Variants in KIRREL3 observed in about 807,000 individuals in gnomAD.
KIRREL3 encodes kirre like nephrin family adhesion molecule 3, also known as kin of IRRE-like protein 3.
Under a neutral mutation model 89.7 loss-of-function variants are expected in KIRREL3, and 36 were observed. The observed-to-expected ratio is 0.40, with a 90% confidence interval of 0.31 to 0.53. KIRREL3 has a LOEUF of 0.53. Among genes scored for constraint, KIRREL3 ranks in the 20% least tolerant of loss-of-function variants. KIRREL3 has a pLI of 0.49. For synonymous variants in KIRREL3, 445 were observed against 441.4 expected (o/e 1.01, Z -0.10); for missense variants, 864 against 1,056.6 (o/e 0.82, Z 2.53).
rs768434190 is a variant in KIRREL3 at position 126,708,298 on chromosome 11, C to G, written c.56-145386G>C. On this transcript the variant is annotated intron_variant, in intron 1 of 16. Coordinates refer to ENST00000525144, the MANE Select transcript of KIRREL3 (RefSeq NM_032531.4). This position sits in a 1 kb window ranked among gnomAD's most constrained non-coding sequence, Gnocchi z 5.7. ...GAGCATCTGAGAAGGCTCAGAAAGT[C>G]TGAATAAGCAATACTGGAATAACAA... 4.0e-5 allele frequency among the ~76,000 whole-genome samples: 6 copies of G among 151,386 alleles called. No individual in the cohort carries two copies. The highest frequency in any genetic ancestry group is 8.8e-5 in the Non-Finnish European group (6 of 67,946).
chr11:126,472,312 A>G (rs967338121), intron 5 of KIRREL3, among the ~76,000 whole-genome samples: 3 of 152,172 alleles, frequency 2.0e-5, no homozygotes, highest in Non-Finnish European at 4.4e-5. Flanking sequence ...TTTATTTCTC[A>G]CTGTTCTGGA....
intron 1 of KIRREL3, among the ~76,000 whole-genome samples, chr11:126,922,681 C>G (rs1387232379): frequency 1.3e-5 from 2 of 151,782 alleles, no homozygotes; most frequent in Non-Finnish European, 2.9e-5. Flanking sequence ...TCTCTCCCAC[C>G]CTAAAAACAA....
rs1037585708 is a variant in KIRREL3 at position 126,686,256 on chromosome 11, G to C, written c.56-123344C>G. 6.6e-6 allele frequency among the ~76,000 whole-genome samples: 1 copy of C among 152,170 alleles called. No homozygotes were observed. On this transcript the variant is annotated intron_variant, in intron 1 of 16. Coordinates refer to ENST00000525144, the MANE Select transcript of KIRREL3 (RefSeq NM_032531.4). This position sits in a 1 kb window ranked among gnomAD's most constrained non-coding sequence, Gnocchi z 4.7. Reference sequence around the variant, plus strand: ...GGAGGCAGGTCTCCATGGATTGTACGGCTTTCCCAAGGCCTGCTCCAGACT... The same window carrying C: ...GGAGGCAGGTCTCCATGGATTGTACCGCTTTCCCAAGGCCTGCTCCAGACT...
chr11:126,822,366 A>T (rs1943254568), intron 1 of KIRREL3, among the ~76,000 whole-genome samples: 1 of 152,184 alleles, frequency 6.6e-6, no homozygotes, highest in Admixed American at 6.5e-5. Context: ...AAGGAGAAGG[A>T]GCCTTGGTGA....
Position 126,883,344 on chromosome 11 carries a change from C to T in KIRREL3, c.55+117111G>A, listed in dbSNP as rs541841880. 1.1e-4 allele frequency among the ~76,000 whole-genome samples: 17 copies of T among 152,246 alleles called. No individual in the cohort carries two copies. Among genetic ancestry groups the T allele is most frequent in the African/African-American group, 3.1e-4 (13 of 41,546 alleles). On this transcript the variant is annotated intron_variant, in intron 1 of 16. Transcript: ENST00000525144. The surrounding 1 kb of genome is among the most constrained non-coding windows in gnomAD (Gnocchi z 4.1). ...GCACAGCAGTTAAAGAACTTTATAG[C>T]CTCTTCCCAACAAATGCTCATTGTC...
rs1038771862 is a variant in KIRREL3, at chr11:126,946,400, CA to C, written c.55+54054del. Among the ~76,000 whole-genome samples, 7 of 152,164 alleles carry C rather than the reference CA, an allele frequency of 4.6e-5. No homozygotes were observed. The highest frequency in any genetic ancestry group is 1.7e-4 in the African/African-American group (7 of 41,444). On this transcript the variant is annotated intron_variant, in intron 1 of 16. Coordinates refer to ENST00000525144, the MANE Select transcript of KIRREL3 (RefSeq NM_032531.4). This position sits in a 1 kb window ranked among gnomAD's most constrained non-coding sequence, Gnocchi z 4.1. ...ATGCATTGGATCACCTTACTCAAACCACCTTGGCCTCAGCTTCTTCATTAAT... is the reference window on the plus strand; with the variant it reads ...ATGCATTGGATCACCTTACTCAAACCCCTTGGCCTCAGCTTCTTCATTAAT...
intron 1 of KIRREL3, among the ~76,000 whole-genome samples, chr11:126,733,786 C>CTTT (rs1948712007): frequency 6.6e-6 from 1 of 152,116 alleles, no homozygotes; most frequent in Admixed American, 6.5e-5. Context: ...CGGGTTGCTG[C>CTTT]TTTTTTAGAA....
At chr11:126,730,765 G>A (rs1948585858) in intron 1 of KIRREL3, among the ~76,000 whole-genome samples, 1 of 152,056 alleles carries the variant, frequency 6.6e-6, no homozygotes, top group Admixed American at 6.5e-5. Context: ...TTGAGATTGA[G>A]TCTTGCTCTG....
Position 126,430,400 on chromosome 11 carries a change from G to A in KIRREL3, c.1696+1019C>T, listed in dbSNP as rs536425567. Reference sequence around the variant, plus strand: ...GCGGAGGTTGCAGTGAGCTGAGATCGTGTCACTGCACTTCAGCCTGGCCAA... The same window carrying A: ...GCGGAGGTTGCAGTGAGCTGAGATCATGTCACTGCACTTCAGCCTGGCCAA... On this transcript the variant is annotated intron_variant, in intron 14 of 16. Coordinates refer to ENST00000525144, the MANE Select transcript of KIRREL3 (RefSeq NM_032531.4). The surrounding 1 kb of genome is among the most constrained non-coding windows in gnomAD (Gnocchi z 6.6). Among the ~76,000 whole-genome samples the A allele has an allele frequency of 2.0e-5, 3 of 152,236 alleles. No individual in the cohort carries two copies. The highest frequency in any genetic ancestry group is 2.1e-4 in the South Asian group (1 of 4,824).
At chr11:126,539,159 TGTTGA>T (rs1007319774) in intron 2 of KIRREL3, among the ~76,000 whole-genome samples, 61 of 152,230 alleles carry the variant, frequency 4.0e-4, no homozygotes, top group African/African-American at 1.3e-3. Flanking sequence ...AATCAATACT[TGTTGA>T]GTTGTTTGTG....
intron 1 of KIRREL3, among the ~76,000 whole-genome samples, chr11:126,714,276 C>T (rs939620126): frequency 3.3e-5 from 5 of 152,194 alleles, no homozygotes; most frequent in East Asian, 1.9e-4. Context: ...CAAAGCTTAA[C>T]GTATTTACTC....
At chr11:126,621,433 A>G (rs1943570151) in intron 1 of KIRREL3, among the ~76,000 whole-genome samples, 2 of 152,236 alleles carry the variant, frequency 1.3e-5, no homozygotes, top group South Asian at 4.1e-4. Context: ...ATTTAATTTC[A>G]TGTGCTCAAA....
In KIRREL3 at chr11:126,697,935, G is replaced by A. The variant is rs1308847815; in HGVS notation, c.56-135023C>T. Among the ~76,000 whole-genome samples the A allele has an allele frequency of 2.0e-5, 3 of 152,190 alleles. No individual in the cohort carries two copies. Among genetic ancestry groups the A allele is most frequent in the Non-Finnish European group, 2.9e-5 (2 of 68,038 alleles). On this transcript the variant is annotated intron_variant, in intron 1 of 16. Transcript: ENST00000525144. The surrounding 1 kb of genome is among the most constrained non-coding windows in gnomAD (Gnocchi z 4.2). The stretch of plus-strand genomic sequence containing the variant: ...GTGATGAGAAGAGAGAGCCAGGGAG[G>A]CTCAGAGACTGAGCAAGTGCCAAGA...
chr11:126,608,174 G>A lies in KIRREL3; in HGVS notation c.56-45262C>T, dbSNP rs546664259. Among the ~76,000 whole-genome samples the A allele has an allele frequency of 1.3e-5, 2 of 152,254 alleles. No individual in the cohort carries two copies. Among genetic ancestry groups the A allele is most frequent in the South Asian group, 4.2e-4 (2 of 4,816 alleles). On this transcript the variant is annotated intron_variant, in intron 1 of 16. Coordinates refer to ENST00000525144, the MANE Select transcript of KIRREL3 (RefSeq NM_032531.4). This position sits in a 1 kb window ranked among gnomAD's most constrained non-coding sequence, Gnocchi z 4.9. ...CAGGAATGCAGCTGGAGGTGGGGGCGGGCCATGGTGGGCCAGGACAGGTGG... is the reference window on the plus strand; with the variant it reads ...CAGGAATGCAGCTGGAGGTGGGGGCAGGCCATGGTGGGCCAGGACAGGTGG...
chr11:126,638,744 G>A (rs1430019756), intron 1 of KIRREL3, among the ~76,000 whole-genome samples: 1 of 152,144 alleles, frequency 6.6e-6, no homozygotes, highest in African/African-American at 2.4e-5. Context: ...TTGAGGGCTT[G>A]AAATTCATTT....
intron 1 of KIRREL3, among the ~76,000 whole-genome samples, chr11:126,984,065 G>A (rs780626046): frequency 6.6e-6 from 1 of 152,098 alleles, no homozygotes; most frequent in Non-Finnish European, 1.5e-5. Flanking sequence ...CGCCCAGAAA[G>A]CCACATGGCA....
At chr11:126,661,989 G>C (rs542238462) in intron 1 of KIRREL3, among the ~76,000 whole-genome samples, 1 of 152,248 alleles carries the variant, frequency 6.6e-6, no homozygotes, top group East Asian at 1.9e-4. Flanking sequence ...TGGGAGTTGG[G>C]GTTTGGGTAA....
At chr11:127,002,700 T>G (rs115916977), upstream of KIRREL3, among the ~76,000 whole-genome samples, 3,964 of 152,294 alleles carry the variant, frequency 0.026, 156 homozygotes, top group African/African-American at 0.089. Flanking sequence ...AGATTCTCTA[T>G]CAAAGGTAGC....
At chr11:126,963,619 C>T (rs1454512051) in intron 1 of KIRREL3, among the ~76,000 whole-genome samples, 1 of 152,152 alleles carries the variant, frequency 6.6e-6, no homozygotes, top group Non-Finnish European at 1.5e-5. Context: ...ATGATAAACA[C>T]AGCAGGCATG....
Sources: allele counts gnomAD v4.1 joint callset (sites outside exome capture counted in the v4.1 genomes callset), GRCh38; gene constraint gnomAD v4.1.1; non-coding constraint Gnocchi (gnomAD v3.1); transcripts MANE v1.5; gene names NCBI Gene and HGNC (gene_info 2026-07-23, HGNC 2026-07-21).